ENTREP2: variants seen among roughly 807,000 people sequenced by gnomAD.
ENTREP2 encodes the protein protein ENTREP2.
chr15:29,538,519 G>A, the ENTREP2 span, among the ~76,000 whole-genome samples: 5 of 151,932 alleles, frequency 3.3e-5, no homozygotes, highest in African/African-American at 1.2e-4. Context: ...TTTGGGCCGG[G>A]CGCAGTGGCT....
At chr15:29,181,027 G>GA in the ENTREP2 span, among the ~76,000 whole-genome samples, 53 of 151,324 alleles carry the variant, frequency 3.5e-4, 1 homozygote, top group African/African-American at 1.0e-3. Flanking sequence ...CTGGTTCTTT[G>GA]AAAAAAAACT....
chr15:29,492,549 A>G, the ENTREP2 span, among the ~76,000 whole-genome samples: 31 of 152,320 alleles, frequency 2.0e-4, no homozygotes, highest in South Asian at 5.8e-3. Flanking sequence ...AGCCATGAGG[A>G]CTCAATAGGA....
the ENTREP2 span, chr15:29,269,955 G>T: frequency 2.2e-6 from 1 of 450,100 alleles, no homozygotes; most frequent in Non-Finnish European, 3.9e-6. Flanking sequence ...TTTTAGTATA[G>T]TGAAGTGTTG....
the ENTREP2 span, among the ~76,000 whole-genome samples, chr15:29,170,307 CAAAAAAAAAA>C: frequency 3.5e-5 from 2 of 57,372 alleles, no homozygotes; most frequent in African/African-American, 9.2e-5. Flanking sequence ...GACTCCATCT[CAAAAAAAAAA>C]AAAAAAAAAA....
chr15:29,317,008 TTAAC>T, the ENTREP2 span, among the ~76,000 whole-genome samples: 1 of 152,222 alleles, frequency 6.6e-6, no homozygotes, highest in African/African-American at 2.4e-5. Context: ...TGGTATGAAT[TTAAC>T]TATGCCAAAT....
At chr15:29,622,106 A>G in the ENTREP2 span, among the ~76,000 whole-genome samples, 3 of 152,212 alleles carry the variant, frequency 2.0e-5, no homozygotes, top group South Asian at 2.1e-4. Flanking sequence ...GCAAGATGAA[A>G]AGAGTCCTGG....
At chr15:29,569,940 A>C in the ENTREP2 span, 2 of 151,784 alleles carry the variant, frequency 1.3e-5, no homozygotes, top group African/African-American at 4.8e-5. Context: ...GGAAACCAGA[A>C]GTCCCCGAAG....
At chr15:29,171,929 C>CCA in the ENTREP2 span, among the ~76,000 whole-genome samples, 1 of 152,198 alleles carries the variant, frequency 6.6e-6, no homozygotes, top group East Asian at 1.9e-4. Flanking sequence ...CCAATACTGA[C>CCA]AGAGGTGTCC....
At chr15:29,219,857 C>A in the ENTREP2 span, among the ~76,000 whole-genome samples, 50,401 of 150,244 alleles carry the variant, frequency 0.34, 9,915 homozygotes, top group East Asian at 0.61. Context: ...ACTGTGGGTA[C>A]TTGAGGGGAA....
chr15:29,283,047 A>G, the ENTREP2 span, among the ~76,000 whole-genome samples: 1 of 152,186 alleles, frequency 6.6e-6, no homozygotes, highest in Non-Finnish European at 1.5e-5. Context: ...GAGTCCAGCA[A>G]GAATCTCTGG....
chr15:29,135,553 A>G, the ENTREP2 span, among the ~76,000 whole-genome samples: 1 of 152,108 alleles, frequency 6.6e-6, no homozygotes, highest in Non-Finnish European at 1.5e-5. This position sits in a 1 kb window ranked among gnomAD's most constrained non-coding sequence, Gnocchi z 7.4. Context: ...AATACCCCAA[A>G]AGGGTGACTG....
At chr15:29,539,688 T>C in the ENTREP2 span, among the ~76,000 whole-genome samples, 1 of 152,046 alleles carries the variant, frequency 6.6e-6, no homozygotes, top group Non-Finnish European at 1.5e-5. Context: ...CAGAATCAAG[T>C]TGGCAGAGCA....
At chr15:29,430,627 G>A in the ENTREP2 span, among the ~76,000 whole-genome samples, 1 of 152,012 alleles carries the variant, frequency 6.6e-6, no homozygotes, top group Non-Finnish European at 1.5e-5. Flanking sequence ...TCCCGCCTGG[G>A]CAACAGAGTG....
At chr15:29,507,983 TAATAA>T in the ENTREP2 span, among the ~76,000 whole-genome samples, 1 of 151,390 alleles carries the variant, frequency 6.6e-6, no homozygotes, top group Non-Finnish European at 1.5e-5. Flanking sequence ...TTGAAAAGAT[TAATAA>T]AATAGGCCGC....
the ENTREP2 span, among the ~76,000 whole-genome samples, chr15:29,297,673 A>G: frequency 1.3e-5 from 2 of 152,192 alleles, no homozygotes; most frequent in Admixed American, 1.3e-4. Flanking sequence ...ACCAAAGAGA[A>G]AGAACTGGAG....
the ENTREP2 span, among the ~76,000 whole-genome samples, chr15:29,199,018 G>GCTAATTTTT: frequency 6.6e-6 from 1 of 152,188 alleles, no homozygotes; most frequent in African/African-American, 2.4e-5. Flanking sequence ...TTGGATTGTT[G>GCTAATTTTT]CTAATTTTTT....
the ENTREP2 span, chr15:29,613,779 A>G: frequency 6.1e-6 from 1 of 164,918 alleles, no homozygotes; most frequent in South Asian, 1.6e-4. Context: ...TCTGCAAGCT[A>G]GCAGTCAATA....
At chr15:29,396,598 C>G in the ENTREP2 span, among the ~76,000 whole-genome samples, 3,918 of 152,214 alleles carry the variant, frequency 0.026, 102 homozygotes, top group African/African-American at 0.062. Context: ...CTTTGATGCA[C>G]AAGTTTTTAA....
the ENTREP2 span, among the ~76,000 whole-genome samples, chr15:29,472,814 T>C: frequency 6.6e-6 from 1 of 152,216 alleles, no homozygotes; most frequent in Non-Finnish European, 1.5e-5. Context: ...TAATAATACA[T>C]GTGATATAAA....
Sources: allele counts gnomAD v4.1 joint callset (sites outside exome capture counted in the v4.1 genomes callset), GRCh38; gene constraint gnomAD v4.1.1; non-coding constraint Gnocchi (gnomAD v3.1); transcripts MANE v1.5; gene names NCBI Gene and HGNC (gene_info 2026-07-23, HGNC 2026-07-21).